The following OGDH variants were observed in gnomAD, a reference collection of about 807,000 sequenced individuals.
OGDH encodes the protein oxoglutarate dehydrogenase, also known as 2-oxoglutarate dehydrogenase complex component E1.
A neutral mutation model predicts 116.6 loss-of-function variants in OGDH; 38 were observed. The observed-to-expected ratio is 0.33, with a 90% CI of 0.25 to 0.43. The LOEUF is 0.43. Among genes scored for constraint, OGDH ranks in the 20% least tolerant of loss-of-function variants. The pLI is 1.00. For synonymous variants in OGDH, 488 were observed against 533.3 expected, an observed-to-expected ratio of 0.92 and a Z score of 1.17; for missense variants, 825 against 1,357.2, an observed-to-expected ratio of 0.61 and a Z score of 6.16.
intron 4 of OGDH, among the ~76,000 whole-genome samples, chr7:44,652,002 C>T (rs973647984): frequency 1.3e-5 from 2 of 152,092 alleles, no homozygotes; most frequent in Admixed American, 1.3e-4. Context: ...CCGTGCCCAG[C>T]CTAGTGATTA....
chr7:44,658,496 C>A, intron 4 of OGDH, among the ~76,000 whole-genome samples: 1 of 142,580 alleles, frequency 7.0e-6, no homozygotes, highest in East Asian at 2.1e-4. Flanking sequence ...TCTATATAGA[C>A]AGTCATGTCA....
At position 44,697,130 on chromosome 7, in the gene OGDH, G is replaced by T; in HGVS notation, c.2051+66G>T. The T allele has an allele frequency of 6.4e-7, 1 of 1,570,436 alleles. No homozygotes were observed. Among genetic ancestry groups the T allele is most frequent in the Non-Finnish European group, 8.7e-7 (1 of 1,153,002 alleles). ...AAGATGGAAAGGGAGGGGTTCTGGTGTTTCTTTTCCGGAAGACGGTTAGAA... is the reference window on the plus strand; with the variant it reads ...AAGATGGAAAGGGAGGGGTTCTGGTTTTTCTTTTCCGGAAGACGGTTAGAA... On this transcript the variant is annotated intron_variant, in intron 15 of 22. Coordinates refer to ENST00000222673, the MANE Select transcript of OGDH (RefSeq NM_002541.4). This position sits in a 1 kb window ranked among gnomAD's most constrained non-coding sequence, Gnocchi z 6.0.
rs116593421 is a variant in OGDH, at chr7:44,658,602, C to T, written c.518-8134C>T. Among the ~76,000 whole-genome samples the T allele has an allele frequency of 5.7e-3, 874 of 152,146 alleles. 10 individuals carry two copies. Among genetic ancestry groups the T allele is most frequent in the African/African-American group, 0.019 (798 of 41,516 alleles). On this transcript the variant is annotated intron_variant, in intron 4 of 22. Transcript: ENST00000222673. ...AGTAGCTACAACTTTTAGCACCGTA[C>T]TGAATAAGAGAGGTAAGAGTGGATA... is the stretch of plus-strand genomic sequence containing the variant.
chr7:44,645,041 T>C (rs1786106919), intron 2 of OGDH, among the ~76,000 whole-genome samples: 1 of 152,168 alleles, frequency 6.6e-6, no homozygotes. Context: ...GCATTGGGCC[T>C]TTGGGTTATG....
At position 44,707,330 on chromosome 7, in the gene OGDH, C is replaced by T. The variant is rs1167610758; in HGVS notation, c.2738C>T (p.Thr913Ile). Residue 913 changes from threonine to isoleucine, a missense_variant, in exon 21 of 23, where the codon ACC becomes ATC. Around this residue, in one of 7 missense-constraint regions of OGDH, gnomAD observed 212 missense variants for 284.3 expected, o/e 0.75. Transcript: ENST00000222673. This position sits in a 1 kb window ranked among gnomAD's most constrained non-coding sequence, Gnocchi z 5.2. ...FCTGKVYYDL[T>I]RERKARDMVG... ...ACCGGCAAAGTGTATTATGACCTCACCCGGGAGCGCAAAGCACGCGACATG... is the reference window on the plus strand; with the variant it reads ...ACCGGCAAAGTGTATTATGACCTCATCCGGGAGCGCAAAGCACGCGACATG... 1.2e-6 allele frequency: 2 copies of T among 1,614,136 alleles called. No homozygotes were observed. Among genetic ancestry groups the T allele is most frequent in the African/African-American group, 2.7e-5 (2 of 74,956 alleles).
At position 44,697,788 on chromosome 7, in the gene OGDH, C is replaced by T; in HGVS notation, c.2358+6C>T. The T allele has an allele frequency of 1.9e-6, 3 of 1,611,284 alleles. No individual in the cohort carries two copies. Among genetic ancestry groups the T allele is most frequent in the Non-Finnish European group, 1.7e-6 (2 of 1,178,560 alleles). On this transcript the variant is annotated splice_donor_region_variant and intron_variant, in intron 17 of 22. Coordinates refer to ENST00000222673, the MANE Select transcript of OGDH (RefSeq NM_002541.4). This position sits in a 1 kb window ranked among gnomAD's most constrained non-coding sequence, Gnocchi z 6.0. Reference sequence around the variant, plus strand: ...CCCATGGCATGGAGGGCATGGTGAGCCTCTGGCCCTTCCCTGCCAGACCTA... The same window carrying T: ...CCCATGGCATGGAGGGCATGGTGAGTCTCTGGCCCTTCCCTGCCAGACCTA...
chr7:44,696,798 G>C (rs1027329764), intron 14 of OGDH, 116 bp from the exon 15 acceptor site: 2 of 1,358,098 alleles, frequency 1.5e-6, no homozygotes, highest in Non-Finnish European at 2.0e-6. Flanking sequence ...CAGCAAGTCA[G>C]GAACCCAGAA....
At chr7:44,616,892 T>A (rs1450089657) in intron 1 of OGDH, among the ~76,000 whole-genome samples, 1 of 138,416 alleles carries the variant, frequency 7.2e-6, no homozygotes, top group Non-Finnish European at 1.6e-5. Context: ...TATGTATATA[T>A]GTGAGCCGAG....
At chr7:44,654,284 T>G (rs978139722) in intron 4 of OGDH, among the ~76,000 whole-genome samples, 1 of 152,256 alleles carries the variant, frequency 6.6e-6, no homozygotes, top group Non-Finnish European at 1.5e-5. Context: ...CTAATACCAT[T>G]TTAGGAAATG....
chr7:44,609,845 C>G (rs1173051412), intron 1 of OGDH, among the ~76,000 whole-genome samples: 1 of 152,206 alleles, frequency 6.6e-6, no homozygotes, highest in Non-Finnish European at 1.5e-5. Context: ...TACTTGCCAG[C>G]ATTTGGTGAT....
chr7:44,699,502 A>G (rs1788737547), intron 18 of OGDH, among the ~76,000 whole-genome samples: 1 of 151,872 alleles, frequency 6.6e-6, no homozygotes, highest in African/African-American at 2.4e-5. Flanking sequence ...TTTTAGGTAG[A>G]ACTTGTGTCT....
At chr7:44,636,906 C>G (rs1785694080) in intron 2 of OGDH, among the ~76,000 whole-genome samples, 1 of 152,182 alleles carries the variant, frequency 6.6e-6, no homozygotes, top group Non-Finnish European at 1.5e-5. Flanking sequence ...TAAACCCACT[C>G]ATGGGAAGTT....
At chr7:44,703,209 A>G (rs1788917490) in intron 20 of OGDH, among the ~76,000 whole-genome samples, 1 of 152,056 alleles carries the variant, frequency 6.6e-6, no homozygotes, top group African/African-American at 2.4e-5. Context: ...TGAGGTCACA[A>G]GTTTGAGACG....
In OGDH at chr7:44,643,094, TAAAAAAAAAA is replaced by T. The variant is rs769649359; in HGVS notation, c.223-2219_223-2210del. 2.8e-4 allele frequency among the ~76,000 whole-genome samples: 35 copies of T among 124,482 alleles called. 1 individual carries two copies. Among genetic ancestry groups the T allele is most frequent in the African/African-American group, 9.4e-4 (32 of 34,008 alleles). 81.7% of individuals were successfully genotyped at this position (124,482 alleles called of 152,430 possible). On this transcript the variant is annotated intron_variant, in intron 2 of 22. Coordinates refer to ENST00000222673, the MANE Select transcript of OGDH (RefSeq NM_002541.4). The stretch of plus-strand genomic sequence containing the variant: ...GCAACAGAGCAAGACCCTGTTTCTT[TAAAAAAAAAA>T]AAAAAAAAAAAAAGTCATTTTTTAA...
At chr7:44,687,200 C>T (rs901864458) in intron 10 of OGDH, among the ~76,000 whole-genome samples, 8 of 143,054 alleles carry the variant, frequency 5.6e-5, no homozygotes, top group African/African-American at 1.6e-4. Flanking sequence ...GAGGTTCAAG[C>T]GATTCTCCTG....
chr7:44,697,737 G>A lies in OGDH; in HGVS notation c.2313G>A (p.Arg771=), dbSNP rs1165465891. Residue 771 remains arginine, a synonymous_variant, in exon 17 of 23, where the codon CGG becomes CGA. Coordinates refer to ENST00000222673, the MANE Select transcript of OGDH (RefSeq NM_002541.4). This position sits in a 1 kb window ranked among gnomAD's most constrained non-coding sequence, Gnocchi z 6.0. ...GCCCGGGACAAGCCAAGTGGGTGCG[G>A]CAGAATGGCATCGTGTTGCTGCTGC... ...FICPGQAKWV[R]QNGIVLLLPH... is the part of the protein sequence containing the mutation. 1.2e-6 allele frequency: 2 copies of A among 1,614,200 alleles called. No individual in the cohort carries two copies. The highest frequency in any genetic ancestry group is 2.2e-5 in the South Asian group (2 of 91,090).
chr7:44,637,291 C>T (rs1728244289), intron 2 of OGDH, among the ~76,000 whole-genome samples: 1 of 152,198 alleles, frequency 6.6e-6, no homozygotes. Flanking sequence ...GTGGGCCCCT[C>T]CTCAGAGCAT....
Position 44,674,541 on chromosome 7 carries a change from A to G in OGDH, c.919A>G (p.Met307Val), listed in dbSNP as rs963194468. Residue 307 changes from methionine (M) to valine (V), a missense_variant, in exon 7 of 23, where the codon ATG becomes GTG. This residue lies in a region of OGDH where 171 missense variants were observed against 276.8 expected (regional missense o/e 0.62). Transcript: ENST00000222673. ...SSENGVDYVI[M>V]GMPHRGRLNV... The stretch of plus-strand genomic sequence containing the variant: ...TGAGAATGGCGTGGACTACGTGATC[A>G]TGGGCATGCCACACAGGTACAGCCA... 1.2e-6 allele frequency: 2 copies of G among 1,613,990 alleles called. No homozygotes were observed. The highest frequency in any genetic ancestry group is 1.7e-6 in the Non-Finnish European group (2 of 1,180,010).
chr7:44,608,039 T>G (rs913876509), intron 1 of OGDH, among the ~76,000 whole-genome samples: 1 of 152,138 alleles, frequency 6.6e-6, no homozygotes, highest in Non-Finnish European at 1.5e-5. Context: ...CACATTTCAG[T>G]TACTTTTTCC....
Sources: gnomAD v4.1 joint callset for allele counts (sites outside exome capture counted in the v4.1 genomes callset) on GRCh38, gnomAD v4.1.1 for gene constraint, gnomAD v4.1.1 regional missense constraint, Gnocchi (gnomAD v3.1) non-coding constraint, MANE v1.5 for transcripts, NCBI Gene and HGNC (gene_info 2026-07-23, HGNC 2026-07-21) for gene names.